Variants in WIPF3 observed in about 807,000 individuals in gnomAD.
WIPF3 encodes the protein WAS/WASL interacting protein family member 3.
WIPF3 carries 33 observed loss-of-function variants against 38.9 expected under a neutral mutation model. The observed-to-expected ratio is 0.85, with a 90% confidence interval of 0.64 to 1.14. WIPF3 has a LOEUF of 1.14. Among genes scored for constraint, WIPF3 ranks in the 50% most tolerant of loss-of-function variants. WIPF3 has a pLI of 0.00. For synonymous variants in WIPF3, 324 were observed against 269.3 expected, an observed-to-expected ratio of 1.20 and a Z score of -1.99; for missense variants, 711 against 652.5, an observed-to-expected ratio of 1.09 and a Z score of -0.98.
intron 3 of WIPF3, 125 bp downstream of exon 3, chr7:29,876,087 C>T (rs1332079857): frequency 7.4e-7 from 1 of 1,343,244 alleles, no homozygotes; most frequent in Non-Finnish European, 1.0e-6. Context: ...CATCTCAGAC[C>T]TGCTCATTGG....
chr7:29,813,075 G>C (rs528156327), intron 1 of WIPF3, among the ~76,000 whole-genome samples: 2 of 152,124 alleles, frequency 1.3e-5, no homozygotes, highest in African/African-American at 4.8e-5. Flanking sequence ...CCTCCGTCTC[G>C]TTTAACACTA....
chr7:29,895,763 A>G (rs1313632148), intron 7 of WIPF3, among the ~76,000 whole-genome samples: 2 of 152,104 alleles, frequency 1.3e-5, no homozygotes, highest in East Asian at 3.9e-4. Flanking sequence ...GGTGCCACAC[A>G]CTTAACCAGA....
At chr7:29,872,794 A>G (rs1398434735) in intron 2 of WIPF3, among the ~76,000 whole-genome samples, 6 of 110,524 alleles carry the variant, frequency 5.4e-5, no homozygotes, top group African/African-American at 1.5e-4. Context: ...GTGAGACTCC[A>G]TCTCAAAAAA....
chr7:29,880,373 C>T (rs920913575), intron 4 of WIPF3, among the ~76,000 whole-genome samples: 1 of 152,166 alleles, frequency 6.6e-6, no homozygotes, highest in Non-Finnish European at 1.5e-5. Flanking sequence ...GAAAAAGACT[C>T]TAGGATATTT....
intron 8 of WIPF3, among the ~76,000 whole-genome samples, chr7:29,911,084 A>G (rs898054465): frequency 5.3e-5 from 8 of 152,204 alleles, no homozygotes; most frequent in African/African-American, 1.9e-4. Flanking sequence ...TACAAAGTCA[A>G]CACACAAAAA....
intron 5 of WIPF3, among the ~76,000 whole-genome samples, chr7:29,886,294 C>A (rs954579148): frequency 1.3e-5 from 2 of 151,262 alleles, no homozygotes; most frequent in African/African-American, 4.9e-5. Flanking sequence ...CTGATAAGCC[C>A]CTTCTGATAT....
chr7:29,831,031 C>T (rs1583594545), intron 1 of WIPF3, among the ~76,000 whole-genome samples: 1 of 152,296 alleles, frequency 6.6e-6, no homozygotes, highest in Non-Finnish European at 1.5e-5. Flanking sequence ...GAGCATGTTC[C>T]CAGCTGAGCT....
chr7:29,817,095 A>G (rs1401902887), intron 1 of WIPF3, among the ~76,000 whole-genome samples: 1 of 152,186 alleles, frequency 6.6e-6, no homozygotes, highest in Non-Finnish European at 1.5e-5. Context: ...GCATTTTCTC[A>G]TTAGGAATAA....
chr7:29,847,190 A>G (rs1232411575), intron 2 of WIPF3, among the ~76,000 whole-genome samples: 1 of 152,180 alleles, frequency 6.6e-6, no homozygotes, highest in Non-Finnish European at 1.5e-5. Context: ...TGGGGACTGG[A>G]AAACAACTGG....
chr7:29,900,693 C>T (rs994518875), intron 7 of WIPF3, among the ~76,000 whole-genome samples: 1 of 152,226 alleles, frequency 6.6e-6, no homozygotes, highest in Non-Finnish European at 1.5e-5. Flanking sequence ...AATGTAAGAA[C>T]AAGAAAGGCC....
At chr7:29,830,544 C>T (rs1784701007) in intron 1 of WIPF3, among the ~76,000 whole-genome samples, 1 of 150,074 alleles carries the variant, frequency 6.7e-6, no homozygotes. Context: ...CGCTTGAACC[C>T]AGGAGGTGGA....
chr7:29,833,930 C>G (rs1018237105), intron 1 of WIPF3, among the ~76,000 whole-genome samples: 2 of 152,318 alleles, frequency 1.3e-5, no homozygotes, highest in Middle Eastern at 3.4e-3. Flanking sequence ...TGCATGCACA[C>G]ATACAGGCTC....
chr7:29,822,989 A>T (rs963868168), intron 1 of WIPF3, among the ~76,000 whole-genome samples: 2 of 152,240 alleles, frequency 1.3e-5, no homozygotes, highest in African/African-American at 4.8e-5. Flanking sequence ...ACTTTAAAAA[A>T]TTACATTTGG....
chr7:29,914,582 C>A lies in WIPF3; in HGVS notation c.*66C>A. ...GAACAACATGTCAGACCCCACCCAC[C>A]CCATGCTCAAGCTGTAATTCAGTTG... On this transcript the variant is annotated 3_prime_UTR_variant, in exon 9 of 9. Coordinates refer to ENST00000242140, the MANE Select transcript of WIPF3 (RefSeq NM_001080529.3). The A allele has an allele frequency of 4.0e-6, 5 of 1,246,382 alleles. No individual in the cohort carries two copies. Among genetic ancestry groups the A allele is most frequent in the Non-Finnish European group, 5.4e-6 (5 of 931,368 alleles). The allele number at this position is 1,246,382 out of a possible 1,614,324, so 77.2% of individuals were successfully genotyped here.
chr7:29,862,222 G>C (rs1785297229), intron 2 of WIPF3, among the ~76,000 whole-genome samples: 1 of 152,126 alleles, frequency 6.6e-6, no homozygotes, highest in Admixed American at 6.6e-5. Flanking sequence ...ATTCTGTGAA[G>C]GCCTCACACA....
intron 7 of WIPF3, among the ~76,000 whole-genome samples, chr7:29,903,402 A>G (rs1454059769): frequency 2.0e-5 from 3 of 152,238 alleles, no homozygotes; most frequent in African/African-American, 4.8e-5. Context: ...AACACAGGTC[A>G]TTAATTGTTC....
chr7:29,818,639 G>A (rs138044663), intron 1 of WIPF3, among the ~76,000 whole-genome samples: 182 of 150,758 alleles, frequency 1.2e-3, no homozygotes, highest in African/African-American at 4.2e-3. Context: ...ATATTATTTG[G>A]GGGGAAAACA....
rs140574327 is a variant in WIPF3 at position 29,906,157 on chromosome 7, A to G, written c.1428+1795A>G. The stretch of plus-strand genomic sequence containing the variant: ...CAAAAATCACATCATACAAAGAAAC[A>G]GGAGAGTATGGCCCATTCAAAGGAA... On this transcript the variant is annotated intron_variant, in intron 8 of 8. Coordinates refer to ENST00000242140, the MANE Select transcript of WIPF3 (RefSeq NM_001080529.3). 3.2e-4 allele frequency: 49 copies of G among 152,262 alleles called. No individual in the cohort carries two copies. The East Asian group carries it at 4.8e-3, about 15-fold the overall frequency. 9.4% of individuals were successfully genotyped at this position (152,262 alleles called of 1,614,324 possible). A position where few individuals can be genotyped will look rare whatever the true frequency, so the allele number is the denominator to read the frequency against.
rs1344321343 is a variant in WIPF3, at chr7:29,884,384, C to T, written c.890C>T (p.Pro297Leu). 4 of 1,472,498 alleles carry T rather than the reference C, an allele frequency of 2.7e-6. No individual in the cohort carries two copies. Among genetic ancestry groups the T allele is most frequent in the Non-Finnish European group, 3.6e-6 (4 of 1,107,014 alleles). The allele number at this position is 1,472,498 out of a possible 1,614,324, so 91.2% of individuals were successfully genotyped here. Reference sequence around the variant, plus strand: ...CCTCCCGCCCCGCCGCCCCCGCTCCCCCCTTATGCTTCTTGCTCCCCGAGG... The same window carrying T: ...CCTCCCGCCCCGCCGCCCCCGCTCCTCCCTTATGCTTCTTGCTCCCCGAGG... ...QEPPAPPPPLPPYASCSPRAS... is the reference protein window; with the variant it reads ...QEPPAPPPPLLPYASCSPRAS... The change falls in exon 5 of 9, where the codon CCC becomes CTC. Residue 297 changes from proline (P) to leucine (L), a missense_variant. Coordinates refer to ENST00000242140, the MANE Select transcript of WIPF3 (RefSeq NM_001080529.3).
Sources: gnomAD v4.1 joint callset for allele counts (sites outside exome capture counted in the v4.1 genomes callset) on GRCh38, gnomAD v4.1.1 for gene constraint, MANE v1.5 for transcripts, NCBI Gene and HGNC (gene_info 2026-07-23, HGNC 2026-07-21) for gene names.